The following DACH2 variants were observed in gnomAD, a reference collection of about 807,000 sequenced individuals.
The protein encoded by DACH2 is dachshund homolog 2.
In DACH2, 17 loss-of-function variants were observed where a neutral mutation model predicts 35.8. That is an observed-to-expected ratio of 0.48 (90% CI 0.33 to 0.71). The LOEUF (loss-of-function observed/expected upper bound fraction) is 0.71, where lower values mean the gene tolerates loss of function less well. Among genes scored for constraint, DACH2 ranks in the 30% least tolerant of loss-of-function variants. The pLI, the probability that DACH2 is intolerant of heterozygous loss-of-function variation, is 0.02. For synonymous variants in DACH2, 195 were observed against 177.3 expected (o/e 1.10, Z -0.79); for missense variants, 469 against 472.7 (o/e 0.99, Z 0.07).
chrX:86,323,549 G>A (rs1157472502), intron 1 of DACH2, among the ~76,000 whole-genome samples: 1 of 111,706 alleles, frequency 9.0e-6, no homozygotes, highest in African/African-American at 3.3e-5. Flanking sequence ...GAGACATGGT[G>A]ACCATGGAAA....
intron 2 of DACH2, among the ~76,000 whole-genome samples, chrX:86,453,286 T>C (rs2037414709): frequency 8.9e-6 from 1 of 112,206 alleles, no homozygotes; most frequent in African/African-American, 3.2e-5. Context: ...GAATACTGTA[T>C]ATTTTGCTGT....
chrX:86,443,503 A>AT (rs1569402012), intron 2 of DACH2, among the ~76,000 whole-genome samples: 1 of 91,742 alleles, frequency 1.1e-5, no homozygotes, highest in Non-Finnish European at 2.0e-5. Flanking sequence ...AATTTGAATG[A>AT]ATTTTTTTTT....
intron 7 of DACH2, among the ~76,000 whole-genome samples, chrX:86,800,029 G>T (rs907024654): frequency 8.9e-6 from 1 of 111,972 alleles, no homozygotes; most frequent in Non-Finnish European, 1.9e-5. Context: ...TGTTTATTGT[G>T]CTATAAGAAG....
intron 1 of DACH2, among the ~76,000 whole-genome samples, chrX:86,329,995 T>A (rs1476046139): frequency 9.0e-6 from 1 of 111,710 alleles, no homozygotes; most frequent in Non-Finnish European, 1.9e-5. Flanking sequence ...CTGTGTTTGT[T>A]GAGATAACTA....
At chrX:86,322,780 T>C (rs762242947) in intron 1 of DACH2, among the ~76,000 whole-genome samples, 9 of 112,336 alleles carry the variant, frequency 8.0e-5, no homozygotes, top group Non-Finnish European at 1.5e-4. Flanking sequence ...TCTTAGGTGG[T>C]GGTTCCAGTT....
At chrX:86,231,990 T>A (rs2032958804) in intron 1 of DACH2, among the ~76,000 whole-genome samples, 4 of 111,037 alleles carry the variant, frequency 3.6e-5, no homozygotes, top group South Asian at 7.7e-4. Flanking sequence ...AGTTGGAACA[T>A]CTCCTGCAAA....
intron 3 of DACH2, among the ~76,000 whole-genome samples, chrX:86,516,601 T>C (rs968266256): frequency 9.0e-6 from 1 of 110,787 alleles, no homozygotes; most frequent in Non-Finnish European, 1.9e-5. Context: ...AGTTTCTTTT[T>C]TTTTTAATTT....
chrX:86,739,941 A>C, intron 7 of DACH2, 59 bp downstream of exon 7: 4 of 1,080,927 alleles, frequency 3.7e-6, no homozygotes, highest in Non-Finnish European at 4.9e-6. Context: ...ATTAGTTGTT[A>C]GGAAAAATAG....
intron 4 of DACH2, among the ~76,000 whole-genome samples, chrX:86,667,143 C>T (rs1235003771): frequency 9.9e-6 from 1 of 101,347 alleles, no homozygotes; most frequent in African/African-American, 3.6e-5. Flanking sequence ...GTAGTCCCAG[C>T]TGCTTGGGAG....
At chrX:86,508,080 G>C (rs1424725685) in intron 2 of DACH2, among the ~76,000 whole-genome samples, 1 of 111,537 alleles carries the variant, frequency 9.0e-6, no homozygotes, top group Non-Finnish European at 1.9e-5. Context: ...AGAATACGCA[G>C]AATGTAAGGC....
intron 5 of DACH2, among the ~76,000 whole-genome samples, chrX:86,696,970 T>C (rs2041074809): frequency 9.0e-6 from 1 of 111,570 alleles, no homozygotes; most frequent in South Asian, 3.7e-4. Flanking sequence ...AACTACTTGG[T>C]TTTGCTAGAG....
At chrX:86,647,510 C>T (rs1309931413) in intron 3 of DACH2, among the ~76,000 whole-genome samples, 3 of 110,270 alleles carry the variant, frequency 2.7e-5, no homozygotes, top group African/African-American at 6.6e-5. Context: ...TGGTGGTTGT[C>T]GTGCACTGAG....
chrX:86,533,777 A>G (rs2038758505), intron 3 of DACH2, among the ~76,000 whole-genome samples: 1 of 110,610 alleles, frequency 9.0e-6, no homozygotes, highest in African/African-American at 3.3e-5. Context: ...TCCATTTTCT[A>G]CTCTTACAAA....
intron 2 of DACH2, among the ~76,000 whole-genome samples, chrX:86,400,735 T>C (rs954154354): frequency 9.0e-6 from 1 of 111,541 alleles, no homozygotes; most frequent in South Asian, 3.8e-4. Context: ...ATCGTTCCTC[T>C]GGATGTTTTG....
Position 86,739,823 on chromosome X carries a change from A to G in DACH2, c.1181A>G (p.His394Arg), listed in dbSNP as rs769434079. 8.3e-7 allele frequency: 1 copy of G among 1,204,495 alleles called. No individual in the cohort carries two copies. The highest frequency in any genetic ancestry group is 1.8e-5 in the South Asian group (1 of 55,836). ...NHRPGSQTSS[H>R]TSSSVSSSPS... The stretch of plus-strand genomic sequence containing the variant: ...CGTCCTGGGAGCCAGACCTCTTCCC[A>G]CACCAGCAGCAGTGTGTCCAGCTCT... The change falls in exon 7 of 12, where the codon CAC (histidine) becomes CGC (arginine). Residue 394 changes from histidine to arginine, a missense_variant. This residue lies in a region of DACH2 where 363 missense variants were observed against 334.4 expected (regional missense o/e 1.09). Coordinates refer to ENST00000373125, the MANE Select transcript of DACH2 (RefSeq NM_053281.3).
At chrX:86,272,604 C>T (rs992276737) in intron 1 of DACH2, among the ~76,000 whole-genome samples, 17 of 111,148 alleles carry the variant, frequency 1.5e-4, no homozygotes, top group Non-Finnish European at 2.6e-4. Context: ...TAGTTCTTTC[C>T]GATGCAAAGT....
intron 4 of DACH2, among the ~76,000 whole-genome samples, chrX:86,665,443 G>T (rs2040656506): frequency 9.0e-6 from 1 of 111,475 alleles, no homozygotes; most frequent in African/African-American, 3.3e-5. Context: ...AGTGGTAATA[G>T]AGCCAAGATT....
chrX:86,514,248 C>A, intron 2 of DACH2, 31 bp from the exon 3 acceptor site: 1 of 1,146,871 alleles, frequency 8.7e-7, no homozygotes, highest in Non-Finnish European at 1.2e-6. Flanking sequence ...ACATTTTTAA[C>A]CTTTATCTAT....
intron 1 of DACH2, among the ~76,000 whole-genome samples, chrX:86,292,891 A>T (rs1274607214): frequency 2.8e-5 from 3 of 106,348 alleles, no homozygotes; most frequent in African/African-American, 1.0e-4. Flanking sequence ...GCTGAAGAAA[A>T]TGTATATTCT....
Sources: allele counts gnomAD v4.1 joint callset (sites outside exome capture counted in the v4.1 genomes callset), GRCh38; gene constraint gnomAD v4.1.1; regional missense constraint gnomAD v4.1.1; transcripts MANE v1.5; gene names NCBI Gene and HGNC (gene_info 2026-07-23, HGNC 2026-07-21).